Variants in SYT1 observed in about 807,000 individuals in gnomAD.
SYT1 encodes the protein synaptotagmin 1.
Under a neutral mutation model 44.8 loss-of-function variants are expected in SYT1, and 8 were observed. The ratio of observed to expected loss-of-function variants is 0.18; its 90% CI spans 0.10 to 0.32. The LOEUF is 0.32. Among genes scored for constraint, SYT1 ranks in the 10% least tolerant of loss-of-function variants. SYT1 has a pLI of 1.00. For synonymous variants in SYT1, 154 were observed against 188.8 expected, an observed-to-expected ratio of 0.82 and a Z score of 1.51; for missense variants, 286 against 509.3, an observed-to-expected ratio of 0.56 and a Z score of 4.22.
chr12:79,370,288 G>A (rs892489955), intron 9 of SYT1, among the ~76,000 whole-genome samples: 42 of 152,158 alleles, frequency 2.8e-4, no homozygotes, highest in African/African-American at 1.0e-3. Context: ...AGATGTTTAA[G>A]CTGCAAAATA....
In SYT1 at chr12:79,262,319, TCTC is replaced by T. The variant is rs369852696; in HGVS notation, c.167-23465_167-23463del. 5.9e-4 allele frequency among the ~76,000 whole-genome samples: 90 copies of T among 152,312 alleles called. No individual in the cohort carries two copies. The East Asian group carries it at 0.012, about 20-fold the overall frequency. On this transcript the variant is annotated intron_variant, in intron 4 of 10. Coordinates refer to ENST00000261205, the MANE Select transcript of SYT1 (RefSeq NM_005639.3). ...ATCCCAACTTTCTGAAGAAGAAACT[TCTC>T]CTACTTAACTCCAACCTTATGACTC...
chr12:79,437,439 C>T lies in SYT1; in HGVS notation c.929-6634C>T, dbSNP rs539393586. Reference sequence around the variant, plus strand: ...ATATGGCTCCAAATTTTTAGGTCTACGAGGTTGGAATCATGGCACAAGGAT... The same window carrying T: ...ATATGGCTCCAAATTTTTAGGTCTATGAGGTTGGAATCATGGCACAAGGAT... On this transcript the variant is annotated intron_variant, in intron 9 of 10. Transcript: ENST00000261205. Among the ~76,000 whole-genome samples the T allele has an allele frequency of 6.6e-5, 10 of 152,040 alleles. No homozygotes were observed. The South Asian group carries it at 1.5e-3, about 22-fold the overall frequency.
rs180918690 is a variant in SYT1 at position 79,443,504 on chromosome 12, G to T, written c.929-569G>T. Among the ~76,000 whole-genome samples the T allele has an allele frequency of 4.5e-3, 678 of 152,282 alleles. 5 individuals are homozygous for T. The highest frequency in any genetic ancestry group is 0.02 in the South Asian group (98 of 4,822). ...TCTGAAGTTTCATTGTGAAGACAGG[G>T]ATAGTCTGTTGTGTTGAGGCTATAT... On this transcript the variant is annotated intron_variant, in intron 9 of 10. Transcript: ENST00000261205.
chr12:79,018,858 T>C (rs747293621), intron 2 of SYT1, among the ~76,000 whole-genome samples: 14 of 152,054 alleles, frequency 9.2e-5, no homozygotes, highest in Non-Finnish European at 1.5e-4. Flanking sequence ...TATGAATCAG[T>C]TGGATTCTCT....
At chr12:79,040,792 A>C (rs1038897325) in intron 2 of SYT1, among the ~76,000 whole-genome samples, 2 of 151,908 alleles carry the variant, frequency 1.3e-5, no homozygotes, top group South Asian at 2.1e-4. Context: ...TCTTGAATTA[A>C]TTTTTGTATA....
intron 4 of SYT1, among the ~76,000 whole-genome samples, chr12:79,281,192 C>A (rs370888190): frequency 2.0e-5 from 3 of 152,074 alleles, no homozygotes; most frequent in Non-Finnish European, 4.4e-5. Flanking sequence ...CAAAAAGACA[C>A]CTGCACTTAT....
intron 8 of SYT1, among the ~76,000 whole-genome samples, chr12:79,325,788 A>G (rs1881583253): frequency 6.6e-6 from 1 of 152,234 alleles, no homozygotes; most frequent in East Asian, 1.9e-4. Flanking sequence ...TAATGTTCTC[A>G]TGCATAAGAT....
intron 4 of SYT1, among the ~76,000 whole-genome samples, chr12:79,278,323 C>A (rs1023864054): frequency 6.6e-6 from 1 of 152,026 alleles, no homozygotes; most frequent in African/African-American, 2.4e-5. Flanking sequence ...CTTCTCAGAC[C>A]ACAGCAGAAT....
At chr12:79,405,271 G>A (rs1458277446) in intron 9 of SYT1, among the ~76,000 whole-genome samples, 1 of 152,054 alleles carries the variant, frequency 6.6e-6, no homozygotes, top group Admixed American at 6.6e-5. Flanking sequence ...GAAGCTCATA[G>A]AATCAAAAGT....
At chr12:79,200,329 G>T (rs1412693501) in intron 3 of SYT1, among the ~76,000 whole-genome samples, 1 of 152,092 alleles carries the variant, frequency 6.6e-6, no homozygotes. Flanking sequence ...ATTGCCAAAG[G>T]ATTTCTGCTT....
At chr12:79,429,541 T>C (rs931145137) in intron 9 of SYT1, among the ~76,000 whole-genome samples, 1 of 151,226 alleles carries the variant, frequency 6.6e-6, no homozygotes, top group African/African-American at 2.4e-5. Context: ...TTTGTTTTTG[T>C]TTTTTGAGCT....
chr12:79,354,277 T>C (rs918500420), intron 9 of SYT1, among the ~76,000 whole-genome samples: 1 of 152,190 alleles, frequency 6.6e-6, no homozygotes, highest in Non-Finnish European at 1.5e-5. Context: ...TGAACATAAT[T>C]TTTCTTCTTC....
At chr12:79,081,437 T>G (rs1278962407) in intron 3 of SYT1, among the ~76,000 whole-genome samples, 2 of 151,796 alleles carry the variant, frequency 1.3e-5, no homozygotes, top group African/African-American at 4.8e-5. Context: ...TGGAGTGCAG[T>G]GGCATGATCT....
intron 9 of SYT1, among the ~76,000 whole-genome samples, chr12:79,412,881 G>A (rs1030020808): frequency 5.0e-4 from 76 of 151,928 alleles, no homozygotes; most frequent in African/African-American, 1.8e-3. Context: ...ATTCTTTACC[G>A]ATTCAATAGA....
chr12:79,295,410 ACCTCTAATCT>A (rs1320292088), intron 6 of SYT1, among the ~76,000 whole-genome samples: 8 of 152,102 alleles, frequency 5.3e-5, no homozygotes, highest in African/African-American at 1.9e-4. Context: ...AAAAAACCTC[ACCTCTAATCT>A]CCCTTGCTTT....
At chr12:79,231,722 A>T (rs926367976) in intron 4 of SYT1, among the ~76,000 whole-genome samples, 1 of 152,170 alleles carries the variant, frequency 6.6e-6, no homozygotes, top group Non-Finnish European at 1.5e-5. Context: ...AAATGTAAAA[A>T]ATTTATTTTT....
At chr12:79,115,316 A>G (rs1174541430) in intron 3 of SYT1, among the ~76,000 whole-genome samples, 2 of 152,192 alleles carry the variant, frequency 1.3e-5, no homozygotes, top group African/African-American at 4.8e-5. Flanking sequence ...CTTGTTAGCT[A>G]GAGGGTTCAA....
chr12:79,065,424 G>A (rs1565789807), intron 3 of SYT1, among the ~76,000 whole-genome samples: 1 of 151,920 alleles, frequency 6.6e-6, no homozygotes, highest in African/African-American at 2.4e-5. Context: ...GGAGGAGAGG[G>A]GCACAAAGGT....
chr12:79,349,049 G>GAAAGAGAAAGAA (rs1565919978), intron 8 of SYT1, among the ~76,000 whole-genome samples: 30 of 123,860 alleles, frequency 2.4e-4, no homozygotes, highest in African/African-American at 8.9e-4. Flanking sequence ...AAGAAAGAAA[G>GAAAGAGAAAGAA]AAAGAAAGGA....
Sources: gnomAD v4.1 joint callset for allele counts (sites outside exome capture counted in the v4.1 genomes callset) on GRCh38, gnomAD v4.1.1 for gene constraint, MANE v1.5 for transcripts, NCBI Gene and HGNC (gene_info 2026-07-23, HGNC 2026-07-21) for gene names.